DCC: variants seen among roughly 807,000 people sequenced by gnomAD.
DCC encodes DCC netrin 1 receptor, also known as netrin receptor DCC.
A neutral mutation model predicts 172.5 loss-of-function variants in DCC; 58 were observed. The observed-to-expected ratio is 0.34, with a 90% CI of 0.27 to 0.42. The LOEUF (loss-of-function observed/expected upper bound fraction) is 0.42. Among genes scored for constraint, DCC ranks in the 10% least tolerant of loss-of-function variants. The pLI is 1.00. For missense variants in DCC, 1,740 were observed against 1,791.0 expected (o/e 0.97, Z 0.51); for synonymous variants, 709 against 644.5 (o/e 1.10, Z -1.52).
intron 1 of DCC, among the ~76,000 whole-genome samples, chr18:52,404,920 T>C (rs1197522496): frequency 6.6e-6 from 1 of 151,128 alleles, no homozygotes; most frequent in East Asian, 2.0e-4. Context: ...GTGTTTGGTT[T>C]TTTGTTCTTG....
intron 1 of DCC, among the ~76,000 whole-genome samples, chr18:52,491,388 A>T (rs955909005): frequency 6.6e-6 from 1 of 152,124 alleles, no homozygotes; most frequent in Admixed American, 6.6e-5. Context: ...TGGTTGCTTA[A>T]TTTTTTATGG....
intron 7 of DCC, among the ~76,000 whole-genome samples, chr18:53,089,694 C>T (rs1333814823): frequency 1.3e-5 from 2 of 152,020 alleles, no homozygotes; most frequent in African/African-American, 4.8e-5. Flanking sequence ...ACAAGTCATC[C>T]CTATTATATA....
intron 7 of DCC, among the ~76,000 whole-genome samples, chr18:53,115,347 A>G (rs770537885): frequency 9.2e-5 from 14 of 151,572 alleles, no homozygotes; most frequent in Non-Finnish European, 1.6e-4. Flanking sequence ...TTGAGTATCT[A>G]TGTCATCTTT....
intron 1 of DCC, among the ~76,000 whole-genome samples, chr18:52,613,349 G>A (rs368100860): frequency 1.1e-4 from 16 of 152,044 alleles, no homozygotes; most frequent in East Asian, 5.8e-4. Context: ...TCCGCCTCCC[G>A]GGTTCACACC....
intron 1 of DCC, among the ~76,000 whole-genome samples, chr18:52,357,610 C>A (rs1431813587): frequency 1.3e-5 from 2 of 151,972 alleles, no homozygotes; most frequent in African/African-American, 4.8e-5. Context: ...TAGAGTACAA[C>A]CCATATCCTT....
intron 3 of DCC, among the ~76,000 whole-genome samples, chr18:52,923,225 C>T (rs2040151341): frequency 6.6e-6 from 1 of 152,170 alleles, no homozygotes. Context: ...GTGTATTCTA[C>T]TCTTCAGTAC....
At chr18:53,243,494 G>A (rs1021569329) in intron 12 of DCC, among the ~76,000 whole-genome samples, 3 of 152,272 alleles carry the variant, frequency 2.0e-5, no homozygotes, top group African/African-American at 4.8e-5. Flanking sequence ...GCTAACAAAT[G>A]AGATGAGGCA....
In DCC at chr18:52,907,921, T is replaced by C. The variant is rs138920088; in HGVS notation, c.697+1593T>C. Among the ~76,000 whole-genome samples, 19 of 152,334 alleles carry C rather than the reference T, an allele frequency of 1.2e-4. 1 individual carries two copies. Among genetic ancestry groups the C allele is most frequent in the African/African-American group, 3.6e-4 (15 of 41,570 alleles). ...AGTCATTTCTCTCCAACTCTTATTT[T>C]ACTTTCTCTTCTCTGGGAAATCCCT... is the stretch of plus-strand genomic sequence containing the variant. On this transcript the variant is annotated intron_variant, in intron 3 of 28. Coordinates refer to ENST00000442544, the MANE Select transcript of DCC (RefSeq NM_005215.4).
At chr18:53,513,545 C>G (rs898259165) in intron 27 of DCC, among the ~76,000 whole-genome samples, 14 of 152,164 alleles carry the variant, frequency 9.2e-5, no homozygotes, top group African/African-American at 3.1e-4. Context: ...CAAGAACCAT[C>G]AGTGTGCTGT....
At chr18:52,640,648 A>C (rs2034872580) in intron 1 of DCC, among the ~76,000 whole-genome samples, 1 of 152,088 alleles carries the variant, frequency 6.6e-6, no homozygotes, top group Non-Finnish European at 1.5e-5. Context: ...TTAGGAATAT[A>C]CCTAACCAAG....
At chr18:53,107,102 T>C (rs1213184612) in intron 7 of DCC, among the ~76,000 whole-genome samples, 1 of 151,846 alleles carries the variant, frequency 6.6e-6, no homozygotes, top group Non-Finnish European at 1.5e-5. Flanking sequence ...CCTCTAAGAA[T>C]GCCTAACTTC....
intron 22 of DCC, 68 bp from the exon 23 acceptor site, chr18:53,450,432 A>T: frequency 6.4e-7 from 1 of 1,574,534 alleles, no homozygotes; most frequent in Non-Finnish European, 8.7e-7. Flanking sequence ...TGTATATCCC[A>T]AGAGAGCTTG....
At chr18:53,486,692 A>G (rs2045903858) in intron 25 of DCC, 105 bp from the exon 26 acceptor site, 3 of 1,465,488 alleles carry the variant, frequency 2.0e-6, no homozygotes, top group African/African-American at 2.8e-5. Context: ...GATACTATGA[A>G]GAGTGTGTAT....
At chr18:53,162,725 C>T (rs2054862199) in intron 8 of DCC, among the ~76,000 whole-genome samples, 1 of 152,194 alleles carries the variant, frequency 6.6e-6, no homozygotes, top group South Asian at 2.1e-4. Flanking sequence ...ATGTCACGTT[C>T]TCATGGAAGC....
At chr18:53,007,656 C>A (rs1262006833) in intron 5 of DCC, among the ~76,000 whole-genome samples, 1 of 151,948 alleles carries the variant, frequency 6.6e-6, no homozygotes, top group East Asian at 1.9e-4. Flanking sequence ...TATATAATTA[C>A]ACAAACTACA....
intron 3 of DCC, among the ~76,000 whole-genome samples, chr18:52,910,051 C>A (rs1176900323): frequency 6.6e-6 from 1 of 152,026 alleles, no homozygotes; most frequent in Non-Finnish European, 1.5e-5. Context: ...GGGGAAGAAG[C>A]TGGAAAGAAG....
At chr18:52,417,772 TC>T (rs1191988698) in intron 1 of DCC, among the ~76,000 whole-genome samples, 3 of 152,210 alleles carry the variant, frequency 2.0e-5, no homozygotes, top group Non-Finnish European at 2.9e-5. Flanking sequence ...TATACATTCG[TC>T]TAAATTTTTT....
rs1909933558 is a variant in DCC, at chr18:53,410,762, G to C, written c.3130+116G>C. ...CTCTATTAGCAACATGGCTGCAGTG[G>C]ACATTCAAAATAAATTAAAATGTAG... On this transcript the variant is annotated intron_variant, in intron 20 of 28. Coordinates refer to ENST00000442544, the MANE Select transcript of DCC (RefSeq NM_005215.4). The C allele has an allele frequency of 6.9e-6, 5 of 723,388 alleles. No homozygotes were observed. The East Asian group carries it at 1.3e-4, about 19-fold the overall frequency. 44.8% of individuals were successfully genotyped at this position (723,388 alleles called of 1,614,324 possible).
At chr18:53,419,655 G>GC (rs1378616998) in intron 21 of DCC, among the ~76,000 whole-genome samples, 3 of 152,024 alleles carry the variant, frequency 2.0e-5, no homozygotes, top group African/African-American at 7.2e-5. Flanking sequence ...TGTTTTAAAA[G>GC]CTTTACAGGA....
Sources: gnomAD v4.1 joint callset for allele counts (sites outside exome capture counted in the v4.1 genomes callset) on GRCh38, gnomAD v4.1.1 for gene constraint, MANE v1.5 for transcripts, NCBI Gene and HGNC (gene_info 2026-07-23, HGNC 2026-07-21) for gene names.